SPOCK3: variants seen among roughly 807,000 people sequenced by gnomAD.
The protein encoded by SPOCK3 is testican-3.
SPOCK3 carries 30 observed loss-of-function variants against 56.6 expected under a neutral mutation model. The observed-to-expected ratio is 0.53, with a 90% CI of 0.40 to 0.72. The LOEUF (loss-of-function observed/expected upper bound fraction) is 0.72, where lower values mean the gene tolerates loss of function less well. Ranked by LOEUF, SPOCK3 falls within the 30% of genes least tolerant of loss-of-function variation. The pLI is 0.00. For missense variants in SPOCK3, 527 were observed against 530.0 expected, an observed-to-expected ratio of 0.99 and a Z score of 0.06; for synonymous variants, 196 against 183.3, an observed-to-expected ratio of 1.07 and a Z score of -0.56.
intron 7 of SPOCK3, among the ~76,000 whole-genome samples, chr4:166,774,102 A>C (rs1739261967): frequency 6.6e-6 from 1 of 152,154 alleles, no homozygotes. Flanking sequence ...ACAATTCCAA[A>C]TCTGATTCTT....
At chr4:167,162,726 T>C (rs930774130) in intron 2 of SPOCK3, among the ~76,000 whole-genome samples, 4 of 152,074 alleles carry the variant, frequency 2.6e-5, no homozygotes, top group South Asian at 2.1e-4. Flanking sequence ...TCCCCTATCA[T>C]GGCAAATGTT....
rs7674160 is a variant in SPOCK3, at chr4:166,734,451, A to C, written c.*470T>G. 1 of 152,270 alleles carries C rather than the reference A, an allele frequency of 6.6e-6. No homozygotes were observed. The highest frequency in any genetic ancestry group is 6.6e-5 in the Admixed American group (1 of 15,202). The allele number at this position is 152,270 out of a possible 1,614,324, so 9.4% of individuals were successfully genotyped here. A position where few individuals can be genotyped will look rare whatever the true frequency, so the allele number is the denominator to read the frequency against. On this transcript the variant is annotated 3_prime_UTR_variant, in exon 11 of 11. Transcript: ENST00000357545. ...GGTATCTCTCTGTTATCCTGACTCA[A>C]CTAGGTCTAGCAAGATGCTACTTTG...
chr4:166,878,705 A>G (rs1733375281), intron 6 of SPOCK3, among the ~76,000 whole-genome samples: 1 of 152,116 alleles, frequency 6.6e-6, no homozygotes, highest in Non-Finnish European at 1.5e-5. Flanking sequence ...GGAGCACATG[A>G]CCTGTGACCA....
At chr4:167,228,736 C>T (rs1736839958) in intron 2 of SPOCK3, among the ~76,000 whole-genome samples, 1 of 152,112 alleles carries the variant, frequency 6.6e-6, no homozygotes, top group Admixed American at 6.6e-5. Flanking sequence ...CAGAGCCTAG[C>T]CCTTTGCTGC....
chr4:166,774,639 C>T (rs1739325748), intron 7 of SPOCK3, among the ~76,000 whole-genome samples: 1 of 152,160 alleles, frequency 6.6e-6, no homozygotes, highest in East Asian at 1.9e-4. Context: ...TTTCCTTTGA[C>T]AACAAATAAG....
chr4:166,877,981 G>T (rs1733270085), intron 6 of SPOCK3, among the ~76,000 whole-genome samples: 2 of 151,982 alleles, frequency 1.3e-5, no homozygotes, highest in Non-Finnish European at 2.9e-5. Context: ...TACCAGGAAA[G>T]ATATAAACAA....
intron 4 of SPOCK3, among the ~76,000 whole-genome samples, chr4:166,934,345 A>AAG (rs1259092514): frequency 1.3e-5 from 2 of 151,050 alleles, no homozygotes; most frequent in Non-Finnish European, 3.0e-5. Flanking sequence ...AAAAAAAAAA[A>AAG]AAATTCGTCA....
chr4:167,220,462 T>C (rs1367286653), intron 2 of SPOCK3, among the ~76,000 whole-genome samples: 1 of 148,594 alleles, frequency 6.7e-6, no homozygotes, highest in Non-Finnish European at 1.5e-5. Context: ...CACTGCAGCC[T>C]CTACCTCCTG....
At chr4:166,971,960 A>T (rs1161690877) in intron 4 of SPOCK3, among the ~76,000 whole-genome samples, 1 of 152,160 alleles carries the variant, frequency 6.6e-6, no homozygotes, top group Admixed American at 6.6e-5. Context: ...CAAAAACACA[A>T]GTGATTCCTG....
chr4:166,780,373 A>C (rs1740026850), intron 7 of SPOCK3, among the ~76,000 whole-genome samples: 2 of 152,172 alleles, frequency 1.3e-5, no homozygotes, highest in South Asian at 4.1e-4. Context: ...ATTCATAAAC[A>C]TTGACAGACA....
intron 7 of SPOCK3, among the ~76,000 whole-genome samples, chr4:166,766,068 C>T (rs190784852): frequency 2.6e-5 from 4 of 152,260 alleles, no homozygotes; most frequent in Admixed American, 2.0e-4. Flanking sequence ...AGTTGCTTAT[C>T]AGCTTAAGGG....
At chr4:167,125,904 G>A (rs886269692) in intron 2 of SPOCK3, among the ~76,000 whole-genome samples, 8 of 151,892 alleles carry the variant, frequency 5.3e-5, no homozygotes, top group African/African-American at 1.9e-4. Context: ...TATTATTTCC[G>A]ATTTACAGTT....
chr4:166,918,412 A>C (rs1738115750), intron 4 of SPOCK3: 1 of 152,130 alleles, frequency 6.6e-6, no homozygotes, highest in Non-Finnish European at 1.5e-5. Context: ...TCCAAATACT[A>C]ACCAGGCCCA....
chr4:167,220,353 A>G (rs1180929970), intron 2 of SPOCK3, among the ~76,000 whole-genome samples: 1 of 150,858 alleles, frequency 6.6e-6, no homozygotes, highest in Non-Finnish European at 1.5e-5. Flanking sequence ...TAAACTTCTA[A>G]TCCAAACAAC....
chr4:167,057,120 G>T (rs1754979009), intron 3 of SPOCK3, among the ~76,000 whole-genome samples: 1 of 152,286 alleles, frequency 6.6e-6, no homozygotes, highest in Non-Finnish European at 1.5e-5. Context: ...GAAGAGAGTG[G>T]GGGCCAATAT....
chr4:166,999,746 G>C (rs1008999869), intron 4 of SPOCK3, among the ~76,000 whole-genome samples: 1 of 152,078 alleles, frequency 6.6e-6, no homozygotes, highest in African/African-American at 2.4e-5. Flanking sequence ...TAAATTACTG[G>C]TCCTTCCCAA....
At chr4:166,818,667 G>A (rs1230903326) in intron 6 of SPOCK3, among the ~76,000 whole-genome samples, 1 of 151,832 alleles carries the variant, frequency 6.6e-6, no homozygotes, top group Non-Finnish European at 1.5e-5. Context: ...AATGGTAAAA[G>A]CTGTTGTTGA....
At chr4:167,178,976 A>G (rs1411612512) in intron 2 of SPOCK3, among the ~76,000 whole-genome samples, 1 of 152,144 alleles carries the variant, frequency 6.6e-6, no homozygotes, top group African/African-American at 2.4e-5. Context: ...AAAACTTTCA[A>G]TGTCAATTTA....
chr4:166,905,274 C>T (rs188610054), intron 5 of SPOCK3, among the ~76,000 whole-genome samples: 1 of 151,886 alleles, frequency 6.6e-6, no homozygotes, highest in Admixed American at 6.6e-5. Flanking sequence ...TAAACATGTT[C>T]TACATAGTTT....
Sources: gnomAD v4.1 joint callset for allele counts (sites outside exome capture counted in the v4.1 genomes callset) on GRCh38, gnomAD v4.1.1 for gene constraint, MANE v1.5 for transcripts, NCBI Gene and HGNC (gene_info 2026-07-23, HGNC 2026-07-21) for gene names.